TAOK1: variants seen among roughly 807,000 people sequenced by gnomAD.
The protein encoded by TAOK1 is serine/threonine-protein kinase TAO1.
TAOK1 carries 21 observed loss-of-function variants against 138.3 expected under a neutral mutation model. The observed-to-expected ratio is 0.15, with a 90% confidence interval of 0.11 to 0.22. The LOEUF (loss-of-function observed/expected upper bound fraction) is 0.22. Ranked by LOEUF, TAOK1 falls within the 10% of genes least tolerant of loss-of-function variation. The probability of loss-of-function intolerance (pLI) is 1.00; values close to 1 mark genes in which losing one functional copy is unlikely to be tolerated. For synonymous variants in TAOK1, 361 were observed against 398.4 expected (o/e 0.91, Z 1.12); for missense variants, 651 against 1,227.7 (o/e 0.53, Z 7.02).
In TAOK1 at chr17:29,481,440, T is replaced by C. The variant is rs574731522; in HGVS notation, c.564-757T>C. On this transcript the variant is annotated intron_variant, in intron 7 of 19. Coordinates refer to ENST00000261716, the MANE Select transcript of TAOK1 (RefSeq NM_020791.4). ...CTTCTGACCTCGTGATCTGTCCACC[T>C]CAGCCTCCCAAAGTGCTGGGATTAC... Among the ~76,000 whole-genome samples, 5 of 152,082 alleles carry C rather than the reference T, an allele frequency of 3.3e-5. No homozygotes were observed. The East Asian group carries it at 9.8e-4, about 30-fold the overall frequency.
intron 19 of TAOK1, among the ~76,000 whole-genome samples, chr17:29,537,506 AT>A (rs35498725): frequency 0.94 from 115,662 of 123,390 alleles, 54,325 homozygotes; most frequent in Non-Finnish European, 0.98. Context: ...ATGACCACTG[AT>A]TTTTTTTTTT....
chr17:29,397,741 GTA>G (rs894646681), intron 1 of TAOK1, among the ~76,000 whole-genome samples: 9 of 106,820 alleles, frequency 8.4e-5, no homozygotes, highest in African/African-American at 2.6e-4. Flanking sequence ...ATATATACAC[GTA>G]TATATACACG....
chr17:29,495,459 C>T lies in TAOK1; in HGVS notation c.832-101C>T, dbSNP rs143429478. The T allele has an allele frequency of 3.3e-6, 3 of 900,504 alleles. No homozygotes were observed. In the African/African-American group the frequency reaches 5.0e-5, roughly 15 times the overall value. 55.8% of individuals were successfully genotyped at this position (900,504 alleles called of 1,614,324 possible). A position where few individuals can be genotyped will look rare whatever the true frequency, so the allele number is the denominator to read the frequency against. ...AACAGAATTATATAGCTATAGATTA[C>T]ATGCATTATCTATCATAGGATATTA... On this transcript the variant is annotated intron_variant, in intron 10 of 19. Coordinates refer to ENST00000261716, the MANE Select transcript of TAOK1 (RefSeq NM_020791.4).
intron 1 of TAOK1, among the ~76,000 whole-genome samples, chr17:29,419,199 T>C (rs370040755): frequency 6.6e-6 from 1 of 152,078 alleles, no homozygotes; most frequent in Non-Finnish European, 1.5e-5. Context: ...TCTGTAAATT[T>C]TTTTTTTTCT....
At chr17:29,410,160 G>A (rs925275004) in intron 1 of TAOK1, among the ~76,000 whole-genome samples, 15 of 152,136 alleles carry the variant, frequency 9.9e-5, no homozygotes, top group Non-Finnish European at 1.8e-4. Flanking sequence ...TAATCTCTGG[G>A]CCTCAGTTCA....
chr17:29,530,338 A>G (rs2032080390), intron 17 of TAOK1, 69 bp from the exon 18 acceptor site: 4 of 1,349,636 alleles, frequency 3.0e-6, no homozygotes, highest in South Asian at 1.2e-5. Flanking sequence ...ATTTTCATGT[A>G]TGTAAGCATA....
At chr17:29,434,476 C>T (rs962015079) in intron 1 of TAOK1, among the ~76,000 whole-genome samples, 2 of 152,032 alleles carry the variant, frequency 1.3e-5, no homozygotes, top group South Asian at 2.1e-4. Flanking sequence ...ACTCAGGATA[C>T]GTGAGAGTGA....
At chr17:29,453,321 G>A (rs939764487) in intron 2 of TAOK1, among the ~76,000 whole-genome samples, 4 of 150,688 alleles carry the variant, frequency 2.7e-5, no homozygotes, top group African/African-American at 7.3e-5. Flanking sequence ...CACCACGCCC[G>A]GCTAATTTTT....
chr17:29,475,705 A>G lies in TAOK1; in HGVS notation c.240A>G (p.Leu80=). 1 of 1,613,158 alleles carries G rather than the reference A, an allele frequency of 6.2e-7. No homozygotes were observed. Among genetic ancestry groups the G allele is most frequent in the East Asian group, 2.2e-5 (1 of 44,822 alleles). The change falls in exon 4 of 20, where the codon CTA becomes CTG. Residue 80 remains leucine, a synonymous_variant. Coordinates refer to ENST00000261716, the MANE Select transcript of TAOK1 (RefSeq NM_020791.4). ...WQDIIKEVKF[L]QRIKHPNSIE... ...ATATTATTAAGGAAGTCAAGTTTCTACAAAGAATAAAACATCCCAACAGTA... is the reference window on the plus strand; with the variant it reads ...ATATTATTAAGGAAGTCAAGTTTCTGCAAAGAATAAAACATCCCAACAGTA...
intron 16 of TAOK1, among the ~76,000 whole-genome samples, chr17:29,519,807 C>G (rs770908243): frequency 6.6e-6 from 1 of 152,144 alleles, no homozygotes; most frequent in Non-Finnish European, 1.5e-5. Flanking sequence ...AAATTTAATA[C>G]GCACATAGCA....
intron 13 of TAOK1, among the ~76,000 whole-genome samples, chr17:29,503,993 C>T (rs1403688572): frequency 2.0e-5 from 3 of 152,002 alleles, no homozygotes; most frequent in African/African-American, 7.2e-5. Context: ...TGCCTGTAAT[C>T]CCAGGTACTC....
At chr17:29,527,642 C>T (rs1385354355) in intron 17 of TAOK1, among the ~76,000 whole-genome samples, 1 of 152,132 alleles carries the variant, frequency 6.6e-6, no homozygotes, top group Non-Finnish European at 1.5e-5. Flanking sequence ...TTCTCTTAGA[C>T]AAGTGTGTAA....
chr17:29,537,649 G>A (rs989013956), intron 19 of TAOK1, among the ~76,000 whole-genome samples: 1 of 151,680 alleles, frequency 6.6e-6, no homozygotes, highest in Admixed American at 6.6e-5. Context: ...GAGCCACTGC[G>A]CCTGGAGTTG....
chr17:29,458,980 A>G (rs11869746), intron 2 of TAOK1, among the ~76,000 whole-genome samples: 1 of 152,066 alleles, frequency 6.6e-6, no homozygotes, highest in African/African-American at 2.4e-5. Context: ...TTGGCCTCCC[A>G]ACGTGCTGAG....
In TAOK1 at chr17:29,517,073, G is replaced by A. The variant is rs193162594; in HGVS notation, c.1705-380G>A. Among the ~76,000 whole-genome samples, 215 of 151,144 alleles carry A rather than the reference G, an allele frequency of 1.4e-3. 1 individual carries two copies. Among genetic ancestry groups the A allele is most frequent in the African/African-American group, 5.0e-3 (204 of 41,082 alleles). ...GAGATCTCAGCTCACTGCAAGCTCC[G>A]CCTCCCAGGTTCACACCATTCTCCT... On this transcript the variant is annotated intron_variant, in intron 15 of 19. Transcript: ENST00000261716.
rs952017251 is a variant in TAOK1 at position 29,531,339 on chromosome 17, T to C, written c.2361+720T>C. 4.6e-5 allele frequency among the ~76,000 whole-genome samples: 7 copies of C among 151,154 alleles called. No individual in the cohort carries two copies. The East Asian group carries it at 1.2e-3, about 25-fold the overall frequency. On this transcript the variant is annotated intron_variant, in intron 18 of 19. Transcript: ENST00000261716. Reference sequence around the variant, plus strand: ...TGTCGCCCAGGCTGCATTGCAGTAGTGCGATCTCAACTCACTGCAACCTCC... The same window carrying C: ...TGTCGCCCAGGCTGCATTGCAGTAGCGCGATCTCAACTCACTGCAACCTCC...
rs571757128 is a variant in TAOK1 at position 29,391,914 on chromosome 17, T to C, written c.-95+890T>C. Among the ~76,000 whole-genome samples, 15 of 152,354 alleles carry C rather than the reference T, an allele frequency of 9.8e-5. No individual in the cohort carries two copies. In the East Asian group the frequency reaches 2.9e-3, roughly 29 times the overall value. On this transcript the variant is annotated intron_variant, in intron 1 of 19. Transcript: ENST00000261716. ...TTCCCTTTTCTTTTTCTATGACTTT[T>C]GTAGTTCATGAAGAATTATTGGCCT... is the stretch of plus-strand genomic sequence containing the variant.
chr17:29,538,387 A>C (rs2032260106), intron 19 of TAOK1, among the ~76,000 whole-genome samples: 2 of 152,308 alleles, frequency 1.3e-5, no homozygotes, highest in African/African-American at 4.8e-5. Context: ...AAAGAGTAAA[A>C]GAACAATAGG....
intron 2 of TAOK1, among the ~76,000 whole-genome samples, chr17:29,464,486 G>A (rs983518565): frequency 6.0e-5 from 9 of 151,092 alleles, no homozygotes; most frequent in East Asian, 1.9e-4. Flanking sequence ...GTAATTGACC[G>A]TTCTAATGGT....
Sources: allele counts gnomAD v4.1 joint callset (sites outside exome capture counted in the v4.1 genomes callset), GRCh38; gene constraint gnomAD v4.1.1; transcripts MANE v1.5; gene names NCBI Gene and HGNC (gene_info 2026-07-23, HGNC 2026-07-21).